Variants in POU6F2 observed in about 807,000 individuals in gnomAD.
POU6F2 encodes POU domain, class 6, transcription factor 2.
In POU6F2, 31 loss-of-function variants were observed where a neutral mutation model predicts 71.3. The ratio of observed to expected loss-of-function variants is 0.43; its 90% CI spans 0.33 to 0.59. The LOEUF is 0.59. POU6F2 is among the 20% of genes least tolerant of loss of function. The pLI, the probability that POU6F2 is intolerant of heterozygous loss-of-function variation, is 0.04. For missense variants in POU6F2, 783 were observed against 856.8 expected (o/e 0.91, Z 1.07); for synonymous variants, 347 against 355.7 (o/e 0.98, Z 0.27).
rs544319365 is a variant in POU6F2, at chr7:39,268,634, A to G, written c.598+61014A>G. On this transcript the variant is annotated intron_variant, in intron 4 of 9. Transcript: ENST00000518318. ...TGGCCAGCCTTGCACATGAAGATGG[A>G]TACAGCGTGGCTCTTGACTGTCCTG... Among the ~76,000 whole-genome samples, 152 of 152,308 alleles carry G rather than the reference A, an allele frequency of 1.0e-3. 1 individual carries two copies. The highest frequency in any genetic ancestry group is 3.4e-3 in the Middle Eastern group (1 of 294).
At chr7:39,428,522 C>T (rs1000689652) in intron 6 of POU6F2, among the ~76,000 whole-genome samples, 1 of 152,184 alleles carries the variant, frequency 6.6e-6, no homozygotes, top group Non-Finnish European at 1.5e-5. Flanking sequence ...AGGGCAATAA[C>T]TTAACTGAAA....
At chr7:39,020,194 G>A (rs1270709718) in intron 1 of POU6F2, among the ~76,000 whole-genome samples, 1 of 152,094 alleles carries the variant, frequency 6.6e-6, no homozygotes, top group Non-Finnish European at 1.5e-5. Flanking sequence ...TGTTGACAAG[G>A]ATCAAAGATT....
chr7:39,418,975 GTA>G (rs1307295210), intron 6 of POU6F2, among the ~76,000 whole-genome samples: 176 of 140,334 alleles, frequency 1.3e-3, no homozygotes, highest in African/African-American at 4.1e-3. Context: ...GTGTATATAT[GTA>G]TATATATGTG....
chr7:39,431,106 G>A (rs2073539), intron 6 of POU6F2, among the ~76,000 whole-genome samples: 5,308 of 152,194 alleles, frequency 0.035, 265 homozygotes, highest in African/African-American at 0.11. Flanking sequence ...CTGATGGGAC[G>A]TGCTCATTGC....
chr7:39,051,830 G>C (rs2128714040), intron 1 of POU6F2, among the ~76,000 whole-genome samples: 1 of 152,212 alleles, frequency 6.6e-6, no homozygotes, highest in Middle Eastern at 3.4e-3. Context: ...CAAACATAGT[G>C]TATCCATGAG....
chr7:39,230,504 AG>A, intron 4 of POU6F2, among the ~76,000 whole-genome samples: 1 of 151,958 alleles, frequency 6.6e-6, no homozygotes, highest in South Asian at 2.1e-4. Flanking sequence ...AAAAAAAAAA[AG>A]TTCAAGATAG....
At chr7:39,419,357 G>C (rs143937373) in intron 6 of POU6F2, among the ~76,000 whole-genome samples, 8 of 151,688 alleles carry the variant, frequency 5.3e-5, no homozygotes, top group African/African-American at 1.9e-4. Context: ...TCCTGCCTCA[G>C]TCTCCTGAGT....
intron 1 of POU6F2, among the ~76,000 whole-genome samples, chr7:39,050,014 C>A (rs1790372864): frequency 6.6e-6 from 1 of 151,930 alleles, no homozygotes; most frequent in South Asian, 2.1e-4. Flanking sequence ...TTTTAAGATG[C>A]CATATTATAG....
At chr7:39,276,991 A>G (rs972923254) in intron 4 of POU6F2, among the ~76,000 whole-genome samples, 1 of 152,084 alleles carries the variant, frequency 6.6e-6, no homozygotes, top group Non-Finnish European at 1.5e-5. Flanking sequence ...AGCATGGCAC[A>G]TGTATACATA....
chr7:38,992,403 A>T (rs1053972783), intron 1 of POU6F2, among the ~76,000 whole-genome samples: 4 of 152,244 alleles, frequency 2.6e-5, no homozygotes, highest in Admixed American at 2.6e-4. Context: ...CATACTGCAT[A>T]ACACGTTTAA....
At chr7:38,985,734 T>G (rs557342013) in intron 1 of POU6F2, among the ~76,000 whole-genome samples, 7 of 152,164 alleles carry the variant, frequency 4.6e-5, no homozygotes, top group Non-Finnish European at 1.0e-4. Context: ...TCTGTTTCAA[T>G]ATTTCTTGAA....
intron 2 of POU6F2, among the ~76,000 whole-genome samples, chr7:39,122,641 A>G (rs1010818033): frequency 6.6e-6 from 1 of 150,768 alleles, no homozygotes; most frequent in Non-Finnish European, 1.5e-5. Context: ...TAACCTGCTT[A>G]CCTGCTTGCT....
chr7:39,348,262 C>T (rs1429025877), intron 5 of POU6F2, among the ~76,000 whole-genome samples: 1 of 104,084 alleles, frequency 9.6e-6, no homozygotes, highest in Non-Finnish European at 2.4e-5. Context: ...ATAACTAGAT[C>T]GCTAATTAGT....
intron 4 of POU6F2, among the ~76,000 whole-genome samples, chr7:39,210,443 A>G (rs1794117469): frequency 6.6e-6 from 1 of 152,200 alleles, no homozygotes; most frequent in African/African-American, 2.4e-5. Context: ...CAGTCTCTTA[A>G]TGGTTTGGAA....
chr7:39,115,495 G>C (rs1265108372), intron 2 of POU6F2, among the ~76,000 whole-genome samples: 1 of 152,194 alleles, frequency 6.6e-6, no homozygotes, highest in Non-Finnish European at 1.5e-5. Context: ...AGTAGAGCCT[G>C]CTGGTCTCCT....
chr7:39,163,235 T>C (rs970931331), intron 2 of POU6F2, among the ~76,000 whole-genome samples: 2 of 152,242 alleles, frequency 1.3e-5, no homozygotes. Flanking sequence ...AAGAATCATA[T>C]CTAACCCATT....
At chr7:39,073,893 G>A (rs887051491) in intron 1 of POU6F2, among the ~76,000 whole-genome samples, 1 of 152,218 alleles carries the variant, frequency 6.6e-6, no homozygotes, top group Non-Finnish European at 1.5e-5. Flanking sequence ...AGAATGTGGA[G>A]TTGTGAACCT....
chr7:39,086,357 A>G (rs934978059), intron 2 of POU6F2, among the ~76,000 whole-genome samples: 1 of 152,320 alleles, frequency 6.6e-6, no homozygotes, highest in East Asian at 1.9e-4. Context: ...ATTGGTTAAC[A>G]TTTATTGAGT....
At chr7:39,362,724 G>A (rs1335115151) in intron 5 of POU6F2, among the ~76,000 whole-genome samples, 5 of 152,146 alleles carry the variant, frequency 3.3e-5, no homozygotes, top group Non-Finnish European at 7.4e-5. Context: ...TAACTTACAT[G>A]GGGGGAATAA....
Sources: gnomAD v4.1 joint callset for allele counts (sites outside exome capture counted in the v4.1 genomes callset) on GRCh38, gnomAD v4.1.1 for gene constraint, MANE v1.5 for transcripts, NCBI Gene and HGNC (gene_info 2026-07-23, HGNC 2026-07-21) for gene names.